The following TRIQK variants were observed in gnomAD, a reference collection of about 807,000 sequenced individuals.
TRIQK encodes triple QxxK/R motif-containing protein.
A neutral mutation model predicts 10.8 loss-of-function variants in TRIQK; 10 were observed. The observed-to-expected ratio is 0.92, with a 90% CI of 0.57 to 1.57. The LOEUF is 1.57. Ranked by LOEUF, TRIQK falls within the 40% of genes most tolerant of loss-of-function variation. The pLI is 0.00. For missense variants in TRIQK, 107 were observed against 97.7 expected (o/e 1.09, Z -0.40); for synonymous variants, 33 against 33.7 (o/e 0.98, Z 0.07).
At chr8:92,898,923 C>T (rs142279659) in intron 3 of TRIQK, among the ~76,000 whole-genome samples, 111 of 142,546 alleles carry the variant, frequency 7.8e-4, no homozygotes, top group African/African-American at 2.7e-3. Flanking sequence ...GCATGATAAT[C>T]ACATCAGGGT....
intron 1 of TRIQK, among the ~76,000 whole-genome samples, chr8:92,988,136 G>GAGTA (rs759536709): frequency 4.2e-4 from 63 of 149,990 alleles, no homozygotes; most frequent in East Asian, 2.4e-3. Context: ...TCAGCCTCCT[G>GAGTA]AGTAGCTGGG....
chr8:92,962,250 C>G (rs1164453481), intron 1 of TRIQK, among the ~76,000 whole-genome samples: 1 of 152,040 alleles, frequency 6.6e-6, no homozygotes, highest in Non-Finnish European at 1.5e-5. Context: ...TGGATGAATA[C>G]CAAAAAACCA....
intron 2 of TRIQK, among the ~76,000 whole-genome samples, chr8:92,924,465 T>G (rs1241436501): frequency 6.6e-6 from 1 of 152,052 alleles, no homozygotes; most frequent in South Asian, 2.1e-4. Flanking sequence ...TTCCAGGAAT[T>G]TACTATGTTC....
chr8:92,937,285 A>C (rs1811040769), intron 2 of TRIQK, among the ~76,000 whole-genome samples: 1 of 151,450 alleles, frequency 6.6e-6, no homozygotes, highest in Non-Finnish European at 1.5e-5. Flanking sequence ...TTTAGGGAAA[A>C]ATATACCTAT....
chr8:93,009,443 C>A (rs751049192), intron 1 of TRIQK, among the ~76,000 whole-genome samples: 4 of 152,002 alleles, frequency 2.6e-5, no homozygotes, highest in Non-Finnish European at 5.9e-5. Context: ...AACCCCATTA[C>A]TACAAAAATA....
At chr8:92,918,469 T>C (rs1172480496) in intron 2 of TRIQK, among the ~76,000 whole-genome samples, 1 of 152,096 alleles carries the variant, frequency 6.6e-6, no homozygotes, top group Non-Finnish European at 1.5e-5. Context: ...ATTTCCCTAA[T>C]GATTAGTGAT....
At chr8:92,896,624 C>G (rs1177718604) in intron 3 of TRIQK, among the ~76,000 whole-genome samples, 1 of 152,144 alleles carries the variant, frequency 6.6e-6, no homozygotes, top group Non-Finnish European at 1.5e-5. Flanking sequence ...GGGCCCAATG[C>G]CTGCCCCAAT....
chr8:92,965,323 A>G (rs1229478558), intron 1 of TRIQK: 1 of 152,262 alleles, frequency 6.6e-6, no homozygotes, highest in East Asian at 1.9e-4. Context: ...ATCCACGCGG[A>G]CACCAACATC....
chr8:92,934,960 A>G (rs982398612), intron 2 of TRIQK, among the ~76,000 whole-genome samples: 2 of 151,910 alleles, frequency 1.3e-5, no homozygotes, highest in African/African-American at 2.4e-5. Context: ...ACGAAAAAGC[A>G]TAAGTAGATT....
In TRIQK at chr8:93,006,309, T is replaced by G. The variant is rs1813271302; in HGVS notation, c.-181+11300A>C. Among the ~76,000 whole-genome samples, 5 of 151,742 alleles carry G rather than the reference T, an allele frequency of 3.3e-5. 1 individual carries two copies. Among genetic ancestry groups the G allele is most frequent in the Admixed American group, 3.3e-4 (5 of 15,224 alleles). On this transcript the variant is annotated intron_variant, in intron 1 of 4. Transcript: ENST00000520686. ...TAGACGGTTGGCATGACTCAGAGAG[T>G]GAGGAAAAGCTGAGTGGTGAGACAG...
chr8:92,999,565 C>G (rs1482006919), intron 1 of TRIQK, among the ~76,000 whole-genome samples: 1 of 152,094 alleles, frequency 6.6e-6, no homozygotes, highest in Non-Finnish European at 1.5e-5. Flanking sequence ...TGTCATCAAC[C>G]AAGAAACAGT....
chr8:92,997,221 C>G (rs559894022), intron 1 of TRIQK, among the ~76,000 whole-genome samples: 23 of 152,000 alleles, frequency 1.5e-4, no homozygotes, highest in African/African-American at 5.3e-4. Context: ...GTGGTGGGCA[C>G]CAGGCACAAT....
Position 92,954,509 on chromosome 8 carries a change from T to A in TRIQK, c.-125A>T, listed in dbSNP as rs913697918. ...CTTTAGTTAGGTAGCAGTGCTTGCA[T>A]TCCTGGCAAATTCAATTCCAAATAC... On this transcript the variant is annotated 5_prime_UTR_variant, in exon 2 of 5. It removes an upstream start codon present in the reference 5' UTR. Coordinates refer to ENST00000521988, the MANE Select transcript of TRIQK (RefSeq NM_001171797.2). 1 of 151,954 alleles carries A rather than the reference T, an allele frequency of 6.6e-6. No homozygotes were observed. Among genetic ancestry groups the A allele is most frequent in the Non-Finnish European group, 1.5e-5 (1 of 67,880 alleles). The allele number at this position is 151,954 out of a possible 1,614,324, so 9.4% of individuals were successfully genotyped here.
At chr8:92,911,861 G>A (rs995104364) in intron 3 of TRIQK, among the ~76,000 whole-genome samples, 2 of 146,670 alleles carry the variant, frequency 1.4e-5, no homozygotes, top group Non-Finnish European at 3.0e-5. Flanking sequence ...AAGTATATAT[G>A]TATATATGAG....
intron 1 of TRIQK, among the ~76,000 whole-genome samples, chr8:93,003,415 A>G (rs1052086115): frequency 1.3e-5 from 2 of 152,040 alleles, no homozygotes; most frequent in Non-Finnish European, 2.9e-5. Context: ...TGAGACCAGC[A>G]AGAGAGAAAT....
intron 1 of TRIQK, among the ~76,000 whole-genome samples, chr8:93,002,437 C>A (rs1301153762): frequency 6.6e-6 from 1 of 151,818 alleles, no homozygotes; most frequent in African/African-American, 2.4e-5. Context: ...CAACAGATAT[C>A]ACAGAAATAT....
At chr8:92,992,571 C>T (rs1813106518) in intron 1 of TRIQK, among the ~76,000 whole-genome samples, 1 of 152,194 alleles carries the variant, frequency 6.6e-6, no homozygotes, top group Non-Finnish European at 1.5e-5. Context: ...ATAGAGATGA[C>T]ACAGTTTGGC....
At chr8:92,916,404 T>C (rs1371514053) in intron 3 of TRIQK, among the ~76,000 whole-genome samples, 2 of 152,178 alleles carry the variant, frequency 1.3e-5, no homozygotes, top group African/African-American at 2.4e-5. Context: ...CTCAATTCCA[T>C]CTACAAATCC....
intron 1 of TRIQK, among the ~76,000 whole-genome samples, chr8:92,980,312 T>G (rs1039773380): frequency 3.3e-5 from 5 of 152,072 alleles, no homozygotes; most frequent in Non-Finnish European, 7.4e-5. Flanking sequence ...GCTACTCAAA[T>G]TTGACTTGTT....
Sources: gnomAD v4.1 joint callset for allele counts (sites outside exome capture counted in the v4.1 genomes callset) on GRCh38, gnomAD v4.1.1 for gene constraint, MANE v1.5 for transcripts, NCBI Gene and HGNC (gene_info 2026-07-23, HGNC 2026-07-21) for gene names.